OSBPL5: variants seen among roughly 807,000 people sequenced by gnomAD.
OSBPL5 encodes the protein oxysterol-binding protein-related protein 5.
In OSBPL5, 71 loss-of-function variants were observed where a neutral mutation model predicts 111.2. The ratio of observed to expected loss-of-function variants is 0.64; its 90% CI spans 0.53 to 0.78. OSBPL5 has a LOEUF of 0.78. Among genes scored for constraint, OSBPL5 ranks in the 30% least tolerant of loss-of-function variants. The probability of loss-of-function intolerance (pLI) is 0.00; values close to 1 mark genes in which losing one functional copy is unlikely to be tolerated. For missense variants in OSBPL5, 1,210 were observed against 1,189.3 expected (o/e 1.02, Z -0.26); for synonymous variants, 549 against 513.9 (o/e 1.07, Z -0.93).
intron 1 of OSBPL5, chr11:3,164,520 T>G (rs951683815): frequency 2.0e-5 from 3 of 152,706 alleles, no homozygotes; most frequent in Non-Finnish European, 4.4e-5. Context: ...CCCACCCTCC[T>G]GCACCCCGCT....
Position 3,126,519 on chromosome 11 carries a change from C to T in OSBPL5, c.173G>A (p.Arg58Lys). The part of the protein sequence containing the change: ...DMEPNGPSLP[R>K]DEGPPTPSSA... ...GCTTGGGGTCGGGGGCCCTTCATCC[C>T]TGGGCAGCGACGGGCCGTTGGGCTC... is the stretch of plus-strand genomic sequence containing the variant. The change falls in exon 3 of 22, where the codon AGG becomes AAG. Residue 58 changes from arginine to lysine, a missense_variant. Physicochemically the swap from Arg to Lys is conservative, Grantham distance 26. Coordinates refer to ENST00000263650, the MANE Select transcript of OSBPL5 (RefSeq NM_020896.4). This position sits in a 1 kb window ranked among gnomAD's most constrained non-coding sequence, Gnocchi z 6.5. 1 of 1,610,142 alleles carries T rather than the reference C, an allele frequency of 6.2e-7. No individual in the cohort carries two copies. Among genetic ancestry groups the T allele is most frequent in the Non-Finnish European group, 8.5e-7 (1 of 1,178,870 alleles).
At position 3,146,113 on chromosome 11, in the gene OSBPL5, C is replaced by A. The variant is rs1033629969; in HGVS notation, c.-21-16944G>T. On this transcript the variant is annotated intron_variant, in intron 1 of 21. Coordinates refer to ENST00000263650, the MANE Select transcript of OSBPL5 (RefSeq NM_020896.4). This position sits in a 1 kb window ranked among gnomAD's most constrained non-coding sequence, Gnocchi z 7.8. ...AGCCGAGTGTCATTTCTATTCCAGGCCCTTCCATCTCACCAGATGCTAGGG... is the reference window on the plus strand; with the variant it reads ...AGCCGAGTGTCATTTCTATTCCAGGACCTTCCATCTCACCAGATGCTAGGG... 5.3e-5 allele frequency: 8 copies of A among 152,208 alleles called. No homozygotes were observed. In the East Asian group the frequency reaches 5.8e-4, roughly 11 times the overall value. 9.4% of individuals were successfully genotyped at this position (152,208 alleles called of 1,614,324 possible). A position where few individuals can be genotyped will look rare whatever the true frequency, so the allele number is the denominator to read the frequency against.
rs553246431 is a variant in OSBPL5, at chr11:3,117,061, T to TA, written c.691+2485dup. 5.3e-5 allele frequency among the ~76,000 whole-genome samples: 8 copies of TA among 152,368 alleles called. No individual in the cohort carries two copies. The South Asian group carries it at 1.7e-3, about 32-fold the overall frequency. ...ACAGAATTTGAAAACTATCTGTGAG[T>TA]ATTCGTAACTTATGACAATACAGTT... is the stretch of plus-strand genomic sequence containing the variant. On this transcript the variant is annotated intron_variant, in intron 7 of 21. Coordinates refer to ENST00000263650, the MANE Select transcript of OSBPL5 (RefSeq NM_020896.4).
At chr11:3,089,799 G>A (rs1262401623) in intron 21 of OSBPL5, 47 bp downstream of exon 21, 8 of 1,515,260 alleles carry the variant, frequency 5.3e-6, no homozygotes, top group African/African-American at 4.2e-5. Flanking sequence ...CAGGTCTCTC[G>A]CACTCTCTGA....
intron 14 of OSBPL5, among the ~76,000 whole-genome samples, chr11:3,099,144 A>G (rs890795378): frequency 3.3e-5 from 5 of 152,222 alleles, no homozygotes; most frequent in African/African-American, 1.2e-4. Flanking sequence ...AAAGACGCCA[A>G]TCTGAAAACG....
chr11:3,119,972 T>G, intron 6 of OSBPL5: 1 of 418,574 alleles, frequency 2.4e-6, no homozygotes, highest in Non-Finnish European at 4.3e-6. Flanking sequence ...TTGGTGTAAG[T>G]ATTTCCCATA....
rs778637044 is a variant in OSBPL5, at chr11:3,121,924, G to C, written c.402+73C>G. 27 of 1,369,410 alleles carry C rather than the reference G, an allele frequency of 2.0e-5. No homozygotes were observed. The highest frequency in any genetic ancestry group is 4.0e-5 in the Admixed American group (2 of 50,358). 84.8% of individuals were successfully genotyped at this position (1,369,410 alleles called of 1,614,324 possible). A position where few individuals can be genotyped will look rare whatever the true frequency, so the allele number is the denominator to read the frequency against. On this transcript the variant is annotated intron_variant, in intron 5 of 21. Transcript: ENST00000263650. The surrounding 1 kb of genome is among the most constrained non-coding windows in gnomAD (Gnocchi z 4.3). ...AATTTCCATCGTTTCAGGCCACCTG[G>C]TTTATGGTCCTTTGTTATGGCAGCA...
At chr11:3,147,794 A>G (rs1846410286) in intron 1 of OSBPL5, among the ~76,000 whole-genome samples, 1 of 152,190 alleles carries the variant, frequency 6.6e-6, no homozygotes, top group African/African-American at 2.4e-5. Context: ...GGGGCATGAA[A>G]GGCGCTGGGG....
At chr11:3,139,049 G>A (rs1462267848) in intron 1 of OSBPL5, among the ~76,000 whole-genome samples, 1 of 152,194 alleles carries the variant, frequency 6.6e-6, no homozygotes, top group Non-Finnish European at 1.5e-5. Context: ...ATGGGTCTTC[G>A]CTGACACCGA....
At chr11:3,144,704 C>T (rs763053742) in intron 1 of OSBPL5, among the ~76,000 whole-genome samples, 40 of 152,350 alleles carry the variant, frequency 2.6e-4, no homozygotes, top group Non-Finnish European at 2.1e-4. Context: ...AAAAACATGT[C>T]CCCCTTACAA....
chr11:3,157,742 G>A (rs1217377701), intron 1 of OSBPL5, among the ~76,000 whole-genome samples: 2 of 152,238 alleles, frequency 1.3e-5, no homozygotes, highest in Non-Finnish European at 2.9e-5. Context: ...TCAGATGAGC[G>A]AGAAACTGGC....
chr11:3,129,212 GA>G, intron 1 of OSBPL5, 43 bp from the exon 2 acceptor site: 5 of 1,358,170 alleles, frequency 3.7e-6, no homozygotes, highest in Non-Finnish European at 4.8e-6. Context: ...CACCGCCCCG[GA>G]AGGGGCTTCA....
Position 3,096,153 on chromosome 11 carries a change from G to A in OSBPL5, c.1622-1819C>T, listed in dbSNP as rs559809902. 2.6e-5 allele frequency among the ~76,000 whole-genome samples: 4 copies of A among 152,332 alleles called. No homozygotes were observed. In the East Asian group the frequency reaches 5.8e-4, roughly 22 times the overall value. On this transcript the variant is annotated intron_variant, in intron 14 of 21. Coordinates refer to ENST00000263650, the MANE Select transcript of OSBPL5 (RefSeq NM_020896.4). ...ATGTAAACATAGGACATCCATGCAC[G>A]GAGCATGGCCTGATGCAGAGACCCA...
Position 3,141,102 on chromosome 11 carries a change from A to G in OSBPL5, c.-21-11933T>C. The stretch of plus-strand genomic sequence containing the variant: ...AAAACAGGAATAAAAACCACCTAAC[A>G]ACAGAAACAACGTCAACCCATAAAG... On this transcript the variant is annotated intron_variant, in intron 1 of 21. Transcript: ENST00000263650. This position sits in a 1 kb window ranked among gnomAD's most constrained non-coding sequence, Gnocchi z 6.5. Among the ~76,000 whole-genome samples the G allele has an allele frequency of 7.3e-6, 1 of 137,678 alleles. No individual in the cohort carries two copies. Among genetic ancestry groups the G allele is most frequent in the South Asian group, 2.3e-4 (1 of 4,412 alleles). 90.3% of individuals were successfully genotyped at this position (137,678 alleles called of 152,430 possible).
rs183420199 is a variant in OSBPL5 at position 3,097,301 on chromosome 11, G to T, written c.1621+2857C>A. Among the ~76,000 whole-genome samples the T allele has an allele frequency of 6.6e-3, 1,003 of 152,150 alleles. 13 individuals are homozygous for T. Among genetic ancestry groups the T allele is most frequent in the South Asian group, 0.027 (132 of 4,822 alleles). On this transcript the variant is annotated intron_variant, in intron 14 of 21. Transcript: ENST00000263650. ...TTCCACTAAGCAGGCACTCTCACAT[G>T]GCTACACCCTCAACAGAAGGAACAG...
In OSBPL5 at chr11:3,105,089, A is replaced by T. The variant is rs549025259; in HGVS notation, c.1060-712T>A. Among the ~76,000 whole-genome samples the T allele has an allele frequency of 2.0e-5, 3 of 152,012 alleles. No homozygotes were observed. The highest frequency in any genetic ancestry group is 4.4e-5 in the Non-Finnish European group (3 of 67,968). ...GCGGGGCTCCCCTTACTCACTCCAG[A>T]CTTGCACCTCACCGCAGCCCCAGGG... On this transcript the variant is annotated intron_variant, in intron 9 of 21. Coordinates refer to ENST00000263650, the MANE Select transcript of OSBPL5 (RefSeq NM_020896.4). This position sits in a 1 kb window ranked among gnomAD's most constrained non-coding sequence, Gnocchi z 5.2.
chr11:3,122,299 C>T lies in OSBPL5; in HGVS notation c.300+49G>A, dbSNP rs563693987. 24 of 1,577,892 alleles carry T rather than the reference C, an allele frequency of 1.5e-5. No homozygotes were observed. The Admixed American group carries it at 2.1e-4, about 14-fold the overall frequency. On this transcript the variant is annotated intron_variant, in intron 4 of 21. Transcript: ENST00000263650. ...GGGTGACCTCCCTGGCTCAGGTGGC[C>T]GTCGGTCTGACAGTGACACTGCTGC...
In OSBPL5 at chr11:3,140,502, G is replaced by A. The variant is rs1439369358; in HGVS notation, c.-21-11333C>T. 6.6e-6 allele frequency among the ~76,000 whole-genome samples: 1 copy of A among 152,148 alleles called. No individual in the cohort carries two copies. The highest frequency in any genetic ancestry group is 2.4e-5 in the African/African-American group (1 of 41,422). On this transcript the variant is annotated intron_variant, in intron 1 of 21. Transcript: ENST00000263650. This position sits in a 1 kb window ranked among gnomAD's most constrained non-coding sequence, Gnocchi z 4.5. ...AGGGGGAACACAAGGCCTTGACCTGGTAGCCCACTTTCAACACTCCGTGAG... is the reference window on the plus strand; with the variant it reads ...AGGGGGAACACAAGGCCTTGACCTGATAGCCCACTTTCAACACTCCGTGAG...
Position 3,107,701 on chromosome 11 carries a change from C to A in OSBPL5, c.866+70G>T. Reference sequence around the variant, plus strand: ...CCAGAGCAGTGGCTGGGGCTGTCCTCTCCCCTCTTCCTCGCCTACAAGGAG... The same window carrying A: ...CCAGAGCAGTGGCTGGGGCTGTCCTATCCCCTCTTCCTCGCCTACAAGGAG... On this transcript the variant is annotated intron_variant, in intron 8 of 21. Coordinates refer to ENST00000263650, the MANE Select transcript of OSBPL5 (RefSeq NM_020896.4). This position sits in a 1 kb window ranked among gnomAD's most constrained non-coding sequence, Gnocchi z 6.1. 1 of 1,571,518 alleles carries A rather than the reference C, an allele frequency of 6.4e-7. No individual in the cohort carries two copies. Among genetic ancestry groups the A allele is most frequent in the Non-Finnish European group, 8.6e-7 (1 of 1,157,236 alleles).
Sources: allele counts gnomAD v4.1 joint callset (sites outside exome capture counted in the v4.1 genomes callset), GRCh38; gene constraint gnomAD v4.1.1; non-coding constraint Gnocchi (gnomAD v3.1); transcripts MANE v1.5; gene names NCBI Gene and HGNC (gene_info 2026-07-23, HGNC 2026-07-21).